The following FBN3 variants were observed in gnomAD, a reference collection of about 807,000 sequenced individuals.
FBN3 encodes the protein fibrillin 3.
FBN3 carries 234 observed loss-of-function variants against 330.1 expected under a neutral mutation model. The observed-to-expected ratio is 0.71, with a 90% confidence interval of 0.64 to 0.79. The LOEUF (loss-of-function observed/expected upper bound fraction) is 0.79. Among genes scored for constraint, FBN3 ranks in the 30% least tolerant of loss-of-function variants. FBN3 has a pLI of 0.00. For missense variants in FBN3, 3,606 were observed against 3,886.9 expected (o/e 0.93, Z 1.92); for synonymous variants, 1,458 against 1,517.3 (o/e 0.96, Z 0.91).
intron 56 of FBN3, 123 bp from the exon 57 acceptor site, chr19:8,083,495 G>C (rs1230234713): frequency 8.5e-7 from 1 of 1,180,862 alleles, no homozygotes; most frequent in Non-Finnish European, 1.2e-6. Context: ...CTTCCACACC[G>C]GCCACTGCAC....
chr19:8,124,617 A>G (rs1419456801), intron 22 of FBN3, among the ~76,000 whole-genome samples: 1 of 149,136 alleles, frequency 6.7e-6, no homozygotes, highest in Non-Finnish European at 1.5e-5. Flanking sequence ...AGCTCACTGC[A>G]ACCTCCGCCT....
Position 8,094,430 on chromosome 19 carries a change from G to A in FBN3, c.5905+16C>T, listed in dbSNP as rs2144718853. 2 of 1,593,494 alleles carry A rather than the reference G, an allele frequency of 1.3e-6. No individual in the cohort carries two copies. The highest frequency in any genetic ancestry group is 2.3e-5 in the East Asian group (1 of 44,360). ...ACTCCCTGGCGCCAGAAACGGGAGT[G>A]GGGCTGGACACTCACCAATGCAGTG... is the stretch of plus-strand genomic sequence containing the variant. On this transcript the variant is annotated intron_variant, in intron 47 of 63. Coordinates refer to ENST00000600128, the MANE Select transcript of FBN3 (RefSeq NM_032447.5).
intron 63 of FBN3, 144 bp downstream of exon 63, chr19:8,071,904 G>T: frequency 1.2e-6 from 1 of 821,210 alleles, no homozygotes; most frequent in East Asian, 2.8e-5. Flanking sequence ...CCCTAAGCCG[G>T]CACCATGACA....
At chr19:8,072,985 G>GTT in intron 62 of FBN3, 78 bp downstream of exon 62, 1 of 843,884 alleles carries the variant, frequency 1.2e-6, no homozygotes, top group South Asian at 1.5e-5. Context: ...GTGTGTGTGT[G>GTT]TGTGTGTGTG....
intron 13 of FBN3, 84 bp downstream of exon 13, chr19:8,135,877 G>C (rs1449734225): frequency 6.9e-7 from 1 of 1,443,598 alleles, no homozygotes; most frequent in Non-Finnish European, 9.4e-7. Context: ...GTGGGTTTGG[G>C]GGCACAGTGA....
chr19:8,110,982 G>C lies in FBN3; in HGVS notation c.4211-15C>G, dbSNP rs1172056432. ...CTCGTCCACATCTGCGGGGACCCTGGGTCAGCCTGCCCCACCCAGAGTCTG... is the reference window on the plus strand; with the variant it reads ...CTCGTCCACATCTGCGGGGACCCTGCGTCAGCCTGCCCCACCCAGAGTCTG... On this transcript the variant is annotated splice_polypyrimidine_tract_variant and intron_variant, in intron 33 of 63. Transcript: ENST00000600128. 1.2e-6 allele frequency: 2 copies of C among 1,614,070 alleles called. No individual in the cohort carries two copies. The highest frequency in any genetic ancestry group is 2.7e-5 in the African/African-American group (2 of 74,930).
Position 8,096,026 on chromosome 19 carries a change from A to G in FBN3, c.5594T>C (p.Ile1865Thr), listed in dbSNP as rs781406697. ...PCGNGTCKNI[I>T]GSYNCLCFPG... ...GAAGCAGAGGCAGTTGTAGGAGCCA[A>G]TGATGTTCTTGCAGGTCCCATTTCC... Residue 1865 changes from isoleucine (I) to threonine (T), a missense_variant, in exon 45 of 64, where the codon ATT (isoleucine) becomes ACT (threonine). By Grantham distance (89) the Ile-to-Thr change is moderately conservative. Transcript: ENST00000600128. This position sits in a 1 kb window ranked among gnomAD's most constrained non-coding sequence, Gnocchi z 4.6. 6.2e-6 allele frequency: 10 copies of G among 1,613,932 alleles called. No homozygotes were observed. The highest frequency in any genetic ancestry group is 4.5e-5 in the East Asian group (2 of 44,886).
chr19:8,116,616 G>A (rs1417681221), intron 29 of FBN3, 58 bp downstream of exon 29: 4 of 1,554,966 alleles, frequency 2.6e-6, no homozygotes, highest in Non-Finnish European at 2.6e-6. Flanking sequence ...AAGACCTGGT[G>A]TGTGAATTCT....
In FBN3 at chr19:8,076,326, T is replaced by C. The variant is rs192931905; in HGVS notation, c.7454-915A>G. Among the ~76,000 whole-genome samples, 633 of 152,178 alleles carry C rather than the reference T, an allele frequency of 4.2e-3. 5 individuals carry two copies. The highest frequency in any genetic ancestry group is 7.1e-3 in the Non-Finnish European group (486 of 67,992). On this transcript the variant is annotated intron_variant, in intron 59 of 63. Coordinates refer to ENST00000600128, the MANE Select transcript of FBN3 (RefSeq NM_032447.5). Reference sequence around the variant, plus strand: ...TAGTCTGTGATCATCTTTCTATGTCTTTAAATATTCTTACTATTCTTGGGG... The same window carrying C: ...TAGTCTGTGATCATCTTTCTATGTCCTTAAATATTCTTACTATTCTTGGGG...
chr19:8,094,388 G>C, intron 47 of FBN3, 58 bp downstream of exon 47: 1 of 1,555,960 alleles, frequency 6.4e-7, no homozygotes, highest in South Asian at 1.2e-5. Flanking sequence ...CCATTTTATG[G>C]ATGGAGAAAG....
intron 41 of FBN3, among the ~76,000 whole-genome samples, chr19:8,100,100 A>G (rs533747865): frequency 6.6e-6 from 1 of 152,170 alleles, no homozygotes; most frequent in African/African-American, 2.4e-5. Flanking sequence ...AATAAGCCTG[A>G]CACAAAACAA....
intron 55 of FBN3, 50 bp downstream of exon 55, chr19:8,086,150 T>TGGGG (rs1890322856): frequency 8.7e-7 from 1 of 1,148,486 alleles, no homozygotes; most frequent in South Asian, 1.7e-5. Flanking sequence ...AGGCAGTGGG[T>TGGGG]GCCACATGGT....
chr19:8,081,340 G>C lies in FBN3; in HGVS notation c.7336+18C>G. 1 of 1,584,656 alleles carries C rather than the reference G, an allele frequency of 6.3e-7. No homozygotes were observed. Among genetic ancestry groups the C allele is most frequent in the Non-Finnish European group, 8.6e-7 (1 of 1,165,760 alleles). Reference sequence around the variant, plus strand: ...TGCATGCAGTGGTGGGAGTGGGGGAGAGTTGAAAGGACATCACCTTTGCAG... The same window carrying C: ...TGCATGCAGTGGTGGGAGTGGGGGACAGTTGAAAGGACATCACCTTTGCAG... On this transcript the variant is annotated intron_variant, in intron 58 of 63. Coordinates refer to ENST00000600128, the MANE Select transcript of FBN3 (RefSeq NM_032447.5).
chr19:8,136,989 G>GGCCTGGATCCCTCCAACCTGA (rs2083298924), intron 10 of FBN3, among the ~76,000 whole-genome samples: 2 of 132,252 alleles, frequency 1.5e-5, no homozygotes, highest in African/African-American at 5.5e-5. Flanking sequence ...CTCCAACCTG[G>GGCCTGGATCCCTCCAACCTGA]GGCCTGGATC....
Position 8,103,662 on chromosome 19 carries a change from G to A in FBN3, c.4839C>T (p.Ser1613=), listed in dbSNP as rs199833606. The part of the protein sequence containing the change: ...CEDIDECSTH[S]GICGPGTCYN... The stretch of plus-strand genomic sequence containing the variant: ...AGCAGGTGCCAGGGCCACAGATGCC[G>A]GAGTGTGTGGAGCATTCGTCAATAT... The change falls in exon 39 of 64, where the codon TCC becomes TCT. Residue 1613 remains serine (S), a synonymous_variant. Transcript: ENST00000600128. The A allele has an allele frequency of 1.3e-4, 216 of 1,613,426 alleles. No homozygotes were observed. Among genetic ancestry groups the A allele is most frequent in the Admixed American group, 3.2e-4 (19 of 59,986 alleles).
chr19:8,085,223 A>ACACACACG, intron 56 of FBN3, 140 bp downstream of exon 56: 6 of 238,928 alleles, frequency 2.5e-5, no homozygotes, highest in Non-Finnish European at 4.1e-5. Flanking sequence ...GCACAAAGAC[A>ACACACACG]CACACACACA....
chr19:8,127,647 GGAC>G (rs1375837222), intron 18 of FBN3, among the ~76,000 whole-genome samples: 1 of 152,196 alleles, frequency 6.6e-6, no homozygotes, highest in Admixed American at 6.5e-5. Flanking sequence ...GGGGCTCACA[GGAC>G]TCAGGGAAAT....
In FBN3 at chr19:8,131,583, G is replaced by A. The variant is rs775301294; in HGVS notation, c.1961C>T (p.Pro654Leu). 10 of 1,611,718 alleles carry A rather than the reference G, an allele frequency of 6.2e-6. No homozygotes were observed. Among genetic ancestry groups the A allele is most frequent in the Middle Eastern group, 1.7e-4 (1 of 6,056 alleles). ...GTCTTTGGCAGGACAAAGCTGGCAG[G>A]GCTCCCCAAAACCGTGGTCCGGATT... ...CANPDHGFGEPCQLCPAKDSA... is the reference protein window; with the variant it reads ...CANPDHGFGELCQLCPAKDSA... Residue 654 changes from proline to leucine, a missense_variant, in exon 15 of 64, where the codon CCC (proline) becomes CTC (leucine). Physicochemically the swap from Pro to Leu is moderately conservative, Grantham distance 98. Transcript: ENST00000600128. The surrounding 1 kb of genome is among the most constrained non-coding windows in gnomAD (Gnocchi z 4.5).
In FBN3 at chr19:8,091,491, A is replaced by G; in HGVS notation, c.6005T>C (p.Leu2002Pro). 6.2e-7 allele frequency: 1 copy of G among 1,614,166 alleles called. No individual in the cohort carries two copies. The highest frequency in any genetic ancestry group is 8.5e-7 in the Non-Finnish European group (1 of 1,180,038). Residue 2002 changes from leucine (L) to proline (P), a missense_variant, in exon 48 of 64, where the codon CTC becomes CCC. Physicochemically the swap from Leu to Pro is moderately conservative, Grantham distance 98. Transcript: ENST00000600128. ...FQCLCPPGFV[L>P]SDNGHRCFDT... The stretch of plus-strand genomic sequence containing the variant: ...AAAGCAACGGTGCCCATTGTCAGAG[A>G]GGACAAAGCCAGGTGGGCAGAGGCA...
Sources: gnomAD v4.1 joint callset for allele counts (sites outside exome capture counted in the v4.1 genomes callset) on GRCh38, gnomAD v4.1.1 for gene constraint, Gnocchi (gnomAD v3.1) non-coding constraint, MANE v1.5 for transcripts, NCBI Gene and HGNC (gene_info 2026-07-23, HGNC 2026-07-21) for gene names.